PHACTR1: variants seen among roughly 807,000 people sequenced by gnomAD.
PHACTR1 encodes phosphatase and actin regulator 1.
PHACTR1 carries 16 observed loss-of-function variants against 69.2 expected under a neutral mutation model. The observed-to-expected ratio is 0.23, with a 90% CI of 0.16 to 0.35. The LOEUF is 0.35. Among genes scored for constraint, PHACTR1 ranks in the 10% least tolerant of loss-of-function variants. The pLI is 1.00. For synonymous variants in PHACTR1, 312 were observed against 284.5 expected (o/e 1.10, Z -0.97); for missense variants, 510 against 734.7 (o/e 0.69, Z 3.54).
chr6:13,222,838 A>G (rs1038212393), intron 8 of PHACTR1, among the ~76,000 whole-genome samples: 1 of 152,216 alleles, frequency 6.6e-6, no homozygotes, highest in African/African-American at 2.4e-5. Context: ...AAAGCAATGA[A>G]TTATCTGGCC....
Position 13,105,475 on chromosome 6 carries a change from C to G in PHACTR1, c.415+51946C>G, listed in dbSNP as rs190985894. On this transcript the variant is annotated intron_variant, in intron 5 of 14. Transcript: ENST00000332995. ...CAGTTCCAAAAAGGTTTTTTCCCCC[C>G]TTTAATTCTGTTTCAACAGTTCTGG... is the stretch of plus-strand genomic sequence containing the variant. Among the ~76,000 whole-genome samples, 3 of 152,216 alleles carry G rather than the reference C, an allele frequency of 2.0e-5. No homozygotes were observed. In the East Asian group the frequency reaches 5.8e-4, roughly 29 times the overall value.
chr6:13,142,774 G>T (rs1343765781), intron 5 of PHACTR1, among the ~76,000 whole-genome samples: 2 of 151,608 alleles, frequency 1.3e-5, no homozygotes, highest in South Asian at 2.1e-4. Context: ...CTGTTTTTAT[G>T]CCAGTACCAT....
intron 3 of PHACTR1, among the ~76,000 whole-genome samples, chr6:12,721,822 G>T (rs1762168953): frequency 6.6e-6 from 1 of 152,200 alleles, no homozygotes; most frequent in African/African-American, 2.4e-5. Flanking sequence ...GCCTAATAAA[G>T]GAACAGTGAA....
chr6:13,206,481 CTAAT>C (rs60047957), intron 8 of PHACTR1, among the ~76,000 whole-genome samples: 7,663 of 152,190 alleles, frequency 0.05, 386 homozygotes, highest in East Asian at 0.22. Flanking sequence ...TAACCATAGA[CTAAT>C]TGATATAAAC....
At chr6:13,176,916 G>A (rs1446044158) in intron 6 of PHACTR1, among the ~76,000 whole-genome samples, 3 of 152,058 alleles carry the variant, frequency 2.0e-5, no homozygotes, top group Non-Finnish European at 4.4e-5. Flanking sequence ...TAGAAAATCA[G>A]ATTTAGTGGT....
At chr6:12,942,119 C>A (rs889278866) in intron 4 of PHACTR1, among the ~76,000 whole-genome samples, 17 of 152,146 alleles carry the variant, frequency 1.1e-4, no homozygotes, top group African/African-American at 3.4e-4. Flanking sequence ...TTTCCAATGC[C>A]ACATCCCATC....
At chr6:13,172,489 G>T (rs1277151092) in intron 6 of PHACTR1, among the ~76,000 whole-genome samples, 1 of 152,174 alleles carries the variant, frequency 6.6e-6, no homozygotes, top group Non-Finnish European at 1.5e-5. Context: ...AGGGGAAGCA[G>T]CCCAGACTCC....
intron 4 of PHACTR1, among the ~76,000 whole-genome samples, chr6:12,798,218 A>G (rs1479258300): frequency 6.6e-6 from 1 of 152,162 alleles, no homozygotes; most frequent in East Asian, 1.9e-4. Flanking sequence ...GGAAGGAAGG[A>G]AGAAAGAAAA....
chr6:13,140,282 G>T (rs1329018328), intron 5 of PHACTR1, among the ~76,000 whole-genome samples: 1 of 151,988 alleles, frequency 6.6e-6, no homozygotes, highest in Non-Finnish European at 1.5e-5. Context: ...TCCACTTCTG[G>T]GTATATATCC....
chr6:12,821,262 G>A (rs2127712211), intron 4 of PHACTR1, among the ~76,000 whole-genome samples: 1 of 152,202 alleles, frequency 6.6e-6, no homozygotes, highest in Middle Eastern at 3.4e-3. Flanking sequence ...AGGAGTTTGA[G>A]ACCATCCTGG....
At position 12,946,196 on chromosome 6, in the gene PHACTR1, G is replaced by A. The variant is rs559567266; in HGVS notation, c.251-107169G>A. ...AGTGAGAAGGTGGGTAGGGAAAGAT[G>A]AAAAGTGTGTAGAATACTAAGTAGA... On this transcript the variant is annotated intron_variant, in intron 4 of 14. Transcript: ENST00000332995. 2.0e-5 allele frequency among the ~76,000 whole-genome samples: 3 copies of A among 151,904 alleles called. No individual in the cohort carries two copies. In the South Asian group the frequency reaches 6.2e-4, roughly 32 times the overall value.
At chr6:12,877,978 C>G (rs1582240277) in intron 4 of PHACTR1, among the ~76,000 whole-genome samples, 1 of 152,292 alleles carries the variant, frequency 6.6e-6, no homozygotes, top group South Asian at 2.1e-4. Flanking sequence ...AAATGATACA[C>G]TCACTTAAAA....
rs576140417 is a variant in PHACTR1, at chr6:12,741,906, C to T, written c.104-7738C>T. 2.0e-5 allele frequency among the ~76,000 whole-genome samples: 3 copies of T among 152,216 alleles called. No individual in the cohort carries two copies. In the East Asian group the frequency reaches 5.8e-4, roughly 29 times the overall value. On this transcript the variant is annotated intron_variant, in intron 3 of 14. Coordinates refer to ENST00000332995, the MANE Select transcript of PHACTR1 (RefSeq NM_030948.6). Reference sequence around the variant, plus strand: ...GATTATTGCATATTATCTCACTTTTCACTTACTTAGGTCTTCTTAATCTTT... The same window carrying T: ...GATTATTGCATATTATCTCACTTTTTACTTACTTAGGTCTTCTTAATCTTT...
chr6:13,082,229 TCTC>T (rs947992627), intron 5 of PHACTR1, among the ~76,000 whole-genome samples: 1 of 152,190 alleles, frequency 6.6e-6, no homozygotes, highest in African/African-American at 2.4e-5. Context: ...TATGTTTCCT[TCTC>T]CTCCACTGAG....
At chr6:13,090,690 A>G (rs1349589061) in intron 5 of PHACTR1, among the ~76,000 whole-genome samples, 1 of 152,162 alleles carries the variant, frequency 6.6e-6, no homozygotes, top group Non-Finnish European at 1.5e-5. Context: ...ACTATACTGG[A>G]CCAAACCTGG....
At chr6:12,861,785 A>T (rs1393099433) in intron 4 of PHACTR1, among the ~76,000 whole-genome samples, 1 of 152,262 alleles carries the variant, frequency 6.6e-6, no homozygotes, top group Non-Finnish European at 1.5e-5. Context: ...CATTCTGACC[A>T]GAACCAAAAA....
intron 10 of PHACTR1, chr6:13,253,083 G>A (rs1470940207): frequency 1.3e-5 from 6 of 453,514 alleles, no homozygotes; most frequent in African/African-American, 6.0e-5. Flanking sequence ...GGAAAGGATC[G>A]GGATTCCTGC....
chr6:13,176,325 C>T (rs1173152686), intron 6 of PHACTR1, among the ~76,000 whole-genome samples: 1 of 152,184 alleles, frequency 6.6e-6, no homozygotes, highest in Non-Finnish European at 1.5e-5. Flanking sequence ...TGCATACTGT[C>T]CTCCATTCCT....
chr6:12,730,522 T>C (rs970751449), intron 3 of PHACTR1, among the ~76,000 whole-genome samples: 1 of 151,264 alleles, frequency 6.6e-6, no homozygotes, highest in Non-Finnish European at 1.5e-5. Flanking sequence ...TGTATATAAC[T>C]ATAGCTTGTT....
Sources: allele counts gnomAD v4.1 joint callset (sites outside exome capture counted in the v4.1 genomes callset), GRCh38; gene constraint gnomAD v4.1.1; transcripts MANE v1.5; gene names NCBI Gene and HGNC (gene_info 2026-07-23, HGNC 2026-07-21).